Variants in STARD13 observed in about 807,000 individuals in gnomAD.
STARD13 encodes the protein stAR-related lipid transfer protein 13.
A neutral mutation model predicts 106.4 loss-of-function variants in STARD13; 62 were observed. That is an observed-to-expected ratio of 0.58 (90% confidence interval 0.48 to 0.72). The LOEUF (loss-of-function observed/expected upper bound fraction) is 0.72, where lower values mean the gene tolerates loss of function less well. Among genes scored for constraint, STARD13 ranks in the 30% least tolerant of loss-of-function variants. STARD13 has a pLI of 0.00. For missense variants in STARD13, 1,387 were observed against 1,424.0 expected (o/e 0.97, Z 0.42); for synonymous variants, 565 against 553.0 (o/e 1.02, Z -0.31).
At chr13:33,414,321 G>T in the STARD13 span, among the ~76,000 whole-genome samples, 22,225 of 152,046 alleles carry the variant, frequency 0.15, 3,862 homozygotes, top group African/African-American at 0.41. Flanking sequence ...GAAAAACTTA[G>T]GTTCACACAA....
chr13:33,622,064 CAA>C, the STARD13 span, among the ~76,000 whole-genome samples: 3 of 151,934 alleles, frequency 2.0e-5, no homozygotes, highest in Non-Finnish European at 4.4e-5. Context: ...CTTAGCCTCC[CAA>C]AGTGCTGGGA....
At chr13:33,136,317 A>T (rs1242778687) in intron 4 of STARD13, among the ~76,000 whole-genome samples, 1 of 152,206 alleles carries the variant, frequency 6.6e-6, no homozygotes, top group Non-Finnish European at 1.5e-5. Context: ...TTTCAATAAA[A>T]ATCTGAACAG....
upstream of STARD13, among the ~76,000 whole-genome samples, chr13:33,286,647 T>C (rs369586782): frequency 1.3e-3 from 205 of 152,314 alleles, 2 homozygotes; most frequent in African/African-American, 4.7e-3. Context: ...TGAGCAATAT[T>C]ATTTTTGACT....
chr13:33,171,883 G>T (rs1168182746), intron 1 of STARD13, among the ~76,000 whole-genome samples: 1 of 152,194 alleles, frequency 6.6e-6, no homozygotes, highest in Non-Finnish European at 1.5e-5. Flanking sequence ...TGAGCATGAT[G>T]TGACCACTAT....
chr13:33,388,575 G>A, the STARD13 span, among the ~76,000 whole-genome samples: 23 of 152,328 alleles, frequency 1.5e-4, no homozygotes, highest in South Asian at 1.4e-3. Context: ...TGGCTTCAGA[G>A]TTCAGCTAAG....
chr13:33,205,803 T>G, intron 1 of STARD13: 1 of 971,280 alleles, frequency 1.0e-6, no homozygotes, highest in Non-Finnish European at 1.2e-6. Flanking sequence ...TCTTTTTCTA[T>G]GGAACACAAA....
chr13:33,673,393 A>G, the STARD13 span, among the ~76,000 whole-genome samples: 1 of 152,132 alleles, frequency 6.6e-6, no homozygotes, highest in Non-Finnish European at 1.5e-5. Flanking sequence ...AACTCCTAGA[A>G]ATTCCCAATA....
At chr13:33,590,606 A>G in the STARD13 span, among the ~76,000 whole-genome samples, 3 of 150,466 alleles carry the variant, frequency 2.0e-5, no homozygotes, top group East Asian at 6.0e-4. Context: ...AGGACAAAAA[A>G]CCAAACACCG....
intron 3 of STARD13, among the ~76,000 whole-genome samples, chr13:33,152,234 T>C (rs1881377006): frequency 6.6e-6 from 1 of 152,250 alleles, no homozygotes; most frequent in South Asian, 2.1e-4. Flanking sequence ...CAGTCAGAGA[T>C]GTAGGAGTCG....
chr13:33,123,014 C>A (rs538185206), intron 7 of STARD13, among the ~76,000 whole-genome samples: 88 of 138,328 alleles, frequency 6.4e-4, no homozygotes, highest in African/African-American at 2.2e-3. Context: ...TGAGATCGTG[C>A]CACTGCACTC....
At chr13:33,246,428 A>G (rs1406807061) in intron 1 of STARD13, among the ~76,000 whole-genome samples, 1 of 152,234 alleles carries the variant, frequency 6.6e-6, no homozygotes, top group Non-Finnish European at 1.5e-5. Context: ...CTAAGTCTGT[A>G]TGTCTAGGAA....
At chr13:33,344,733 T>C (rs1049861587), downstream of STARD13, among the ~76,000 whole-genome samples, 2 of 152,230 alleles carry the variant, frequency 1.3e-5, no homozygotes, top group African/African-American at 2.4e-5. Context: ...ACTTCCTGTG[T>C]CTATGATAAA....
chr13:33,649,901 C>T, the STARD13 span, among the ~76,000 whole-genome samples: 1 of 152,078 alleles, frequency 6.6e-6, no homozygotes, highest in African/African-American at 2.4e-5. Flanking sequence ...AATTAATAGT[C>T]GTTGTGAAAT....
upstream of STARD13, among the ~76,000 whole-genome samples, chr13:33,290,597 C>A (rs1310975596): frequency 6.6e-6 from 1 of 152,228 alleles, no homozygotes; most frequent in Non-Finnish European, 1.5e-5. Flanking sequence ...CAGATCCTGC[C>A]GCAAACACTT....
At chr13:33,120,228 C>G (rs1876057339) in intron 7 of STARD13, among the ~76,000 whole-genome samples, 2 of 152,206 alleles carry the variant, frequency 1.3e-5, no homozygotes, top group Admixed American at 6.5e-5. Flanking sequence ...ATAAAGCAGA[C>G]AGTGTTTCTG....
Position 33,105,359 on chromosome 13 carries a change from TAAA to T in STARD13, c.*231_*233del. On this transcript the variant is annotated 3_prime_UTR_variant, in exon 14 of 14. Transcript: ENST00000336934. ...TCCATTTAATTTTAAGTAATATATATAAAGTTCTCATTTTAAAATTATATTAGT... is the reference window on the plus strand; with the variant it reads ...TCCATTTAATTTTAAGTAATATATATGTTCTCATTTTAAAATTATATTAGT... The T allele has an allele frequency of 2.0e-6, 1 of 493,240 alleles. No homozygotes were observed. The highest frequency in any genetic ancestry group is 3.6e-6 in the Non-Finnish European group (1 of 275,434). 30.6% of individuals were successfully genotyped at this position (493,240 alleles called of 1,614,324 possible). A position where few individuals can be genotyped will look rare whatever the true frequency, so the allele number is the denominator to read the frequency against.
intron 3 of STARD13, chr13:33,164,129 A>T (rs1566039318): frequency 6.6e-6 from 1 of 152,146 alleles, no homozygotes; most frequent in Non-Finnish European, 1.5e-5. Context: ...TTATGATTTG[A>T]GGAGTTCTTT....
chr13:33,144,054 A>G (rs901325013), intron 3 of STARD13, among the ~76,000 whole-genome samples: 2 of 152,094 alleles, frequency 1.3e-5, no homozygotes, highest in Non-Finnish European at 2.9e-5. Flanking sequence ...CCCTTTAACT[A>G]TTAATTTTTT....
chr13:33,539,725 G>A, the STARD13 span, among the ~76,000 whole-genome samples: 5 of 152,156 alleles, frequency 3.3e-5, no homozygotes, highest in African/African-American at 1.2e-4. Flanking sequence ...TAAGTGGATC[G>A]TAAACATAAA....
Sources: allele counts gnomAD v4.1 joint callset (sites outside exome capture counted in the v4.1 genomes callset), GRCh38; gene constraint gnomAD v4.1.1; transcripts MANE v1.5; gene names NCBI Gene and HGNC (gene_info 2026-07-23, HGNC 2026-07-21).